CIT: variants seen among roughly 807,000 people sequenced by gnomAD.
CIT encodes the protein citron Rho-interacting kinase.
A neutral mutation model predicts 272.7 loss-of-function variants in CIT; 79 were observed. The ratio of observed to expected loss-of-function variants is 0.29; its 90% CI spans 0.24 to 0.35. The LOEUF (loss-of-function observed/expected upper bound fraction) is 0.35, where lower values mean the gene tolerates loss of function less well. Ranked by LOEUF, CIT falls within the 10% of genes least tolerant of loss-of-function variation. CIT has a pLI of 1.00. For synonymous variants in CIT, 948 were observed against 995.6 expected (o/e 0.95, Z 0.90); for missense variants, 1,909 against 2,618.3 (o/e 0.73, Z 5.91).
intron 24 of CIT, among the ~76,000 whole-genome samples, chr12:119,735,628 A>G (rs1424837388): frequency 6.6e-6 from 1 of 152,230 alleles, no homozygotes; most frequent in East Asian, 1.9e-4. Flanking sequence ...TAATCACTGC[A>G]TGAAACGGAT....
At chr12:119,855,996 A>G (rs1052253373) in intron 4 of CIT, among the ~76,000 whole-genome samples, 1 of 152,198 alleles carries the variant, frequency 6.6e-6, no homozygotes, top group African/African-American at 2.4e-5. Context: ...CTGAGTGAGC[A>G]TCTTCCACTC....
At chr12:119,776,919 A>G in intron 13 of CIT, 77 bp from the exon 14 acceptor site, 1 of 1,459,772 alleles carries the variant, frequency 6.9e-7, no homozygotes, top group Non-Finnish European at 9.5e-7. Context: ...ATGGAAGAGT[A>G]TTAACCACAC....
In CIT at chr12:119,712,191, G is replaced by A. The variant is rs993918589; in HGVS notation, c.4841C>T (p.Ala1614Val). The A allele has an allele frequency of 6.2e-7, 1 of 1,601,716 alleles. No homozygotes were observed. Among genetic ancestry groups the A allele is most frequent in the African/African-American group, 1.3e-5 (1 of 74,478 alleles). The change falls in exon 37 of 48, where the codon GCA (alanine) becomes GTA (valine). Residue 1614 changes from alanine to valine, a missense_variant. Physicochemically the swap from Ala to Val is moderately conservative, Grantham distance 64 (BLOSUM62 0). Around this residue, in one of 8 missense-constraint regions of CIT, gnomAD observed 780 missense variants for 1,067.2 expected, o/e 0.73. Transcript: ENST00000392521. The surrounding 1 kb of genome is among the most constrained non-coding windows in gnomAD (Gnocchi z 5.2). ...VAGGRVSREK[A>V]EADAKLLGNS... Reference sequence around the variant, plus strand: ...TTTCATACTCACAGCATCAGCTTCTGCTTTTTCCCTAGAAACTCTCCCACC... The same window carrying A: ...TTTCATACTCACAGCATCAGCTTCTACTTTTTCCCTAGAAACTCTCCCACC...
At chr12:119,689,831 C>T (rs1955827869) in intron 47 of CIT, among the ~76,000 whole-genome samples, 1 of 151,884 alleles carries the variant, frequency 6.6e-6, no homozygotes, top group African/African-American at 2.4e-5. Context: ...GCACCAGCCA[C>T]CACACCCGGC....
intron 2 of CIT, among the ~76,000 whole-genome samples, chr12:119,869,730 T>C (rs1052130223): frequency 4.6e-5 from 7 of 152,162 alleles, no homozygotes; most frequent in Admixed American, 4.6e-4. Flanking sequence ...CCCACAGATA[T>C]GTTTTGTTTG....
At chr12:119,851,057 T>TG (rs1970194657) in intron 4 of CIT, among the ~76,000 whole-genome samples, 1 of 152,184 alleles carries the variant, frequency 6.6e-6, no homozygotes, top group Admixed American at 6.5e-5. Flanking sequence ...GGATTGGAAC[T>TG]GGGGGCACGG....
At chr12:119,700,614 C>T (rs554572427) in intron 44 of CIT, 131 bp downstream of exon 44, 14 of 760,438 alleles carry the variant, frequency 1.8e-5, no homozygotes, top group Admixed American at 5.7e-5. Context: ...AACTCCTGAC[C>T]TCATGATCCA....
intron 18 of CIT, among the ~76,000 whole-genome samples, chr12:119,767,732 T>C (rs921635416): frequency 6.6e-6 from 1 of 152,160 alleles, no homozygotes; most frequent in Non-Finnish European, 1.5e-5. Context: ...TATCTGTAGA[T>C]GTGCATGTGA....
In CIT at chr12:119,745,854, CACAG is replaced by C. The variant is rs557158091; in HGVS notation, c.2905-3394_2905-3391del. ...AAATAGATAGTTGCATAGACAGAATCACAGACAGATTTATAAATAAAAAGTTATT... is the reference window on the plus strand; with the variant it reads ...AAATAGATAGTTGCATAGACAGAATCACAGATTTATAAATAAAAAGTTATT... On this transcript the variant is annotated intron_variant, in intron 23 of 47. Transcript: ENST00000392521. Among the ~76,000 whole-genome samples, 133 of 152,182 alleles carry C rather than the reference CACAG, an allele frequency of 8.7e-4. 1 individual carries two copies. The highest frequency in any genetic ancestry group is 3.4e-3 in the Middle Eastern group (1 of 294).
Position 119,825,370 on chromosome 12 carries a change from T to C in CIT, c.754-2A>G. On this transcript the variant is annotated splice_acceptor_variant, in intron 7 of 47. Coordinates refer to ENST00000392521, the MANE Select transcript of CIT (RefSeq NM_001206999.2). LOFTEE classifies it high-confidence loss of function. Reference sequence around the variant, plus strand: ...CCCAATCGGGAGTTTGGCATTCACCTAGAATCCCATCAATAAAACGAATAC... The same window carrying C: ...CCCAATCGGGAGTTTGGCATTCACCCAGAATCCCATCAATAAAACGAATAC... The C allele has an allele frequency of 3.7e-6, 6 of 1,613,078 alleles. No homozygotes were observed. Among genetic ancestry groups the C allele is most frequent in the Non-Finnish European group, 4.2e-6 (5 of 1,179,566 alleles).
Position 119,694,563 on chromosome 12 carries a change from G to C in CIT, c.5882+3096C>G, listed in dbSNP as rs1035342050. ...TCACACCTGTAATCCCAGCACTTTG[G>C]GGGGCCAGGGCAGGCAAATTGCTTG... On this transcript the variant is annotated intron_variant, in intron 46 of 47. Transcript: ENST00000392521. The surrounding 1 kb of genome is among the most constrained non-coding windows in gnomAD (Gnocchi z 4.5). 4.6e-5 allele frequency among the ~76,000 whole-genome samples: 7 copies of C among 152,140 alleles called. No individual in the cohort carries two copies. Among genetic ancestry groups the C allele is most frequent in the African/African-American group, 7.2e-5 (3 of 41,428 alleles).
intron 3 of CIT, among the ~76,000 whole-genome samples, chr12:119,868,594 A>C (rs1161439782): frequency 6.6e-6 from 1 of 152,296 alleles, no homozygotes; most frequent in East Asian, 1.9e-4. Flanking sequence ...ACTGGAGTGC[A>C]ATGGCACAAT....
At chr12:119,751,136 C>A (rs1265946513) in intron 23 of CIT, among the ~76,000 whole-genome samples, 1 of 152,032 alleles carries the variant, frequency 6.6e-6, no homozygotes, top group Admixed American at 6.6e-5. Flanking sequence ...ATTCATTTGG[C>A]CTTCTATGCT....
chr12:119,821,139 T>C (rs1490317812), intron 9 of CIT, among the ~76,000 whole-genome samples: 1 of 151,270 alleles, frequency 6.6e-6, no homozygotes, highest in Non-Finnish European at 1.5e-5. Context: ...CTACGAAAAA[T>C]AGAAAATTAG....
intron 37 of CIT, chr12:119,711,137 G>A: frequency 1.5e-6 from 2 of 1,356,864 alleles, no homozygotes; most frequent in Non-Finnish European, 2.0e-6. Flanking sequence ...AAGCTCACGT[G>A]TGAAACGACC....
At chr12:119,757,985 T>G (rs1009638364) in intron 21 of CIT, among the ~76,000 whole-genome samples, 1 of 152,198 alleles carries the variant, frequency 6.6e-6, no homozygotes, top group Non-Finnish European at 1.5e-5. Context: ...CAGATCTCCC[T>G]CACCTCTCCA....
chr12:119,706,356 G>A (rs905330455), intron 40 of CIT, among the ~76,000 whole-genome samples: 3 of 152,104 alleles, frequency 2.0e-5, no homozygotes, highest in African/African-American at 7.2e-5. Context: ...CATGTCATGG[G>A]GGTTTGTTGT....
chr12:119,789,489 A>C (rs1265656319), intron 10 of CIT, among the ~76,000 whole-genome samples: 1 of 152,212 alleles, frequency 6.6e-6, no homozygotes. Flanking sequence ...TACCATTTCC[A>C]TGAATTTCTA....
intron 20 of CIT, 80 bp downstream of exon 20, chr12:119,760,859 T>C (rs965953708): frequency 1.8e-5 from 16 of 895,476 alleles, no homozygotes; most frequent in Admixed American, 5.5e-5. Context: ...CCAGGTGAAA[T>C]AGAGTCTTAT....
Sources: allele counts gnomAD v4.1 joint callset (sites outside exome capture counted in the v4.1 genomes callset), GRCh38; gene constraint gnomAD v4.1.1; regional missense constraint gnomAD v4.1.1; non-coding constraint Gnocchi (gnomAD v3.1); transcripts MANE v1.5; gene names NCBI Gene and HGNC (gene_info 2026-07-23, HGNC 2026-07-21).